The following XPR1 variants were observed in gnomAD, a reference collection of about 807,000 sequenced individuals.
XPR1 encodes solute carrier family 53 member 1.
In XPR1, 28 loss-of-function variants were observed where a neutral mutation model predicts 87.5. The observed-to-expected ratio is 0.32, with a 90% CI of 0.24 to 0.44. XPR1 has a LOEUF of 0.44. XPR1 is among the 20% of genes least tolerant of loss of function. The probability of loss-of-function intolerance (pLI) is 1.00; values close to 1 mark genes in which losing one functional copy is unlikely to be tolerated. For missense variants in XPR1, 559 were observed against 862.3 expected, an observed-to-expected ratio of 0.65 and a Z score of 4.41; for synonymous variants, 300 against 306.1, an observed-to-expected ratio of 0.98 and a Z score of 0.21.
chr1:180,847,847 G>A (rs6682446), intron 11 of XPR1, among the ~76,000 whole-genome samples: 6,553 of 152,236 alleles, frequency 0.043, 506 homozygotes, highest in African/African-American at 0.15. Flanking sequence ...AGTTGTCTTT[G>A]AAGTGTCAGA....
chr1:180,837,521 A>T (rs939742392), intron 11 of XPR1, among the ~76,000 whole-genome samples: 20 of 152,060 alleles, frequency 1.3e-4, no homozygotes, highest in Non-Finnish European at 2.4e-4. Flanking sequence ...GGCCAGTGCT[A>T]CAAAATTGCT....
At chr1:180,798,367 AAGAT>A (rs1435365374) in intron 3 of XPR1, among the ~76,000 whole-genome samples, 2 of 152,172 alleles carry the variant, frequency 1.3e-5, no homozygotes, top group Non-Finnish European at 2.9e-5. Context: ...TATAAACTGG[AAGAT>A]AGAGCTGAAA....
intron 1 of XPR1, among the ~76,000 whole-genome samples, chr1:180,651,345 G>A (rs1655287594): frequency 6.6e-6 from 1 of 152,116 alleles, no homozygotes; most frequent in African/African-American, 2.4e-5. Context: ...GCCCACCTCA[G>A]CCTCCCAAAG....
At chr1:180,865,245 T>C (rs930681777) in intron 12 of XPR1, among the ~76,000 whole-genome samples, 4 of 152,106 alleles carry the variant, frequency 2.6e-5, no homozygotes, top group African/African-American at 7.2e-5. Flanking sequence ...GACCAAGATA[T>C]TAGACATATT....
At chr1:180,803,273 G>A (rs1457330916) in intron 3 of XPR1, 115 bp from the exon 4 acceptor site, 3 of 948,202 alleles carry the variant, frequency 3.2e-6, no homozygotes, top group Non-Finnish European at 4.6e-6. Context: ...AATATTACAT[G>A]TAACGGTTTT....
chr1:180,806,463 T>G lies in XPR1; in HGVS notation c.598-11T>G, dbSNP rs1287927308. On this transcript the variant is annotated splice_polypyrimidine_tract_variant and intron_variant, in intron 5 of 14. Transcript: ENST00000367590. Reference sequence around the variant, plus strand: ...ATAACCTAACCAAAATGTAATAATTTGTCTTTCTAGGCTGTAGTGACCAAT... The same window carrying G: ...ATAACCTAACCAAAATGTAATAATTGGTCTTTCTAGGCTGTAGTGACCAAT... 1 of 1,612,046 alleles carries G rather than the reference T, an allele frequency of 6.2e-7. No individual in the cohort carries two copies. Among genetic ancestry groups the G allele is most frequent in the Non-Finnish European group, 8.5e-7 (1 of 1,178,604 alleles).
intron 3 of XPR1, among the ~76,000 whole-genome samples, chr1:180,791,970 T>G (rs967709585): frequency 6.6e-6 from 1 of 152,232 alleles, no homozygotes; most frequent in African/African-American, 2.4e-5. Flanking sequence ...GTGAGGCACG[T>G]CTCTTGATGT....
intron 2 of XPR1, among the ~76,000 whole-genome samples, chr1:180,712,785 A>G (rs1056036383): frequency 6.6e-6 from 1 of 152,126 alleles, no homozygotes. Flanking sequence ...CAGCCTGGGC[A>G]ACAGAATGAG....
intron 3 of XPR1, among the ~76,000 whole-genome samples, chr1:180,799,600 C>G (rs1484715074): frequency 6.6e-6 from 1 of 152,098 alleles, no homozygotes; most frequent in Non-Finnish European, 1.5e-5. Context: ...GCTGGAGAAG[C>G]ATTATGGGTG....
At chr1:180,882,967 G>GTTTTTTTTTTTTT (rs1156645233) in intron 14 of XPR1, among the ~76,000 whole-genome samples, 7 of 150,634 alleles carry the variant, frequency 4.6e-5, no homozygotes, top group African/African-American at 1.7e-4. Context: ...TTGGGGGTTG[G>GTTTTTTTTTTTTT]TTGTTTTTTT....
chr1:180,656,470 T>TTATTTATATATAA lies in XPR1; in HGVS notation c.69+24203_69+24204insTTATATATAATAT, dbSNP rs1655497440. 5.3e-4 allele frequency among the ~76,000 whole-genome samples: 6 copies of TTATTTATATATAA among 11,278 alleles called. 1 individual carries two copies. Among genetic ancestry groups the TTATTTATATATAA allele is most frequent in the Admixed American group, 4.4e-3 (3 of 684 alleles). The allele number at this position is 11,278 out of a possible 152,430, so 7.4% of individuals were successfully genotyped here. A position where few individuals can be genotyped will look rare whatever the true frequency, so the allele number is the denominator to read the frequency against. ...ATATTTATATATTTATATATAATAT[T>TTATTTATATATAA]TATACATTATATATAATATTTATAT... On this transcript the variant is annotated intron_variant, in intron 1 of 14. Coordinates refer to ENST00000367590, the MANE Select transcript of XPR1 (RefSeq NM_004736.4).
intron 1 of XPR1, among the ~76,000 whole-genome samples, chr1:180,645,733 A>G (rs138034836): frequency 3.3e-5 from 5 of 152,314 alleles, no homozygotes; most frequent in African/African-American, 1.2e-4. Context: ...TTTAATGTTA[A>G]TAATTTTAGT....
At chr1:180,646,056 T>C (rs1157235828) in intron 1 of XPR1, among the ~76,000 whole-genome samples, 1 of 152,260 alleles carries the variant, frequency 6.6e-6, no homozygotes, top group Non-Finnish European at 1.5e-5. Context: ...AAAACAAGTA[T>C]TGTTACCTTG....
chr1:180,694,352 G>A (rs60396352), intron 2 of XPR1, among the ~76,000 whole-genome samples: 6,573 of 152,190 alleles, frequency 0.043, 510 homozygotes, highest in African/African-American at 0.15. Context: ...TTTGCTTCAC[G>A]TGTTTCTACC....
intron 1 of XPR1, among the ~76,000 whole-genome samples, chr1:180,669,147 T>A (rs1656068086): frequency 6.6e-6 from 1 of 151,564 alleles, no homozygotes; most frequent in African/African-American, 2.4e-5. Flanking sequence ...AAATAATCTA[T>A]CCTGGAAAAT....
At position 180,632,280 on chromosome 1, in the gene XPR1, C is replaced by T. The variant is rs781056311; in HGVS notation, c.69+10C>T. 3.7e-6 allele frequency: 6 copies of T among 1,610,010 alleles called. No homozygotes were observed. The South Asian group carries it at 5.5e-5, about 15-fold the overall frequency. ...ATACATCCAGTATGAGGTACCGGCA[C>T]GGCTGGGGTGTGGGAGGACTCGGAG... On this transcript the variant is annotated intron_variant, in intron 1 of 14. Coordinates refer to ENST00000367590, the MANE Select transcript of XPR1 (RefSeq NM_004736.4).
At chr1:180,740,154 G>A (rs1452342378) in intron 2 of XPR1, among the ~76,000 whole-genome samples, 1 of 152,048 alleles carries the variant, frequency 6.6e-6, no homozygotes, top group African/African-American at 2.4e-5. Flanking sequence ...CAAACTGTAT[G>A]CTTTTATTTC....
chr1:180,662,993 C>G (rs1655829502), intron 1 of XPR1, among the ~76,000 whole-genome samples: 1 of 152,096 alleles, frequency 6.6e-6, no homozygotes, highest in Non-Finnish European at 1.5e-5. Flanking sequence ...ATTTGAGTTT[C>G]TTTGTTAAAT....
In XPR1 at chr1:180,667,087, A is replaced by AT. The variant is rs141523742; in HGVS notation, c.70-15265dup. On this transcript the variant is annotated intron_variant, in intron 1 of 14. Transcript: ENST00000367590. ...CATGCCACACTTGGCTAATTTTTGT[A>AT]TTTTTTTTGTAGAGACAGGGTTTCA... is the stretch of plus-strand genomic sequence containing the variant. Among the ~76,000 whole-genome samples, 8 of 151,344 alleles carry AT rather than the reference A, an allele frequency of 5.3e-5. No homozygotes were observed. In the East Asian group the frequency reaches 1.4e-3, roughly 26 times the overall value.
Sources: allele counts gnomAD v4.1 joint callset (sites outside exome capture counted in the v4.1 genomes callset), GRCh38; gene constraint gnomAD v4.1.1; transcripts MANE v1.5; gene names NCBI Gene and HGNC (gene_info 2026-07-23, HGNC 2026-07-21).